The following INSR variants were observed in gnomAD, a reference collection of about 807,000 sequenced individuals.
The protein encoded by INSR is insulin receptor.
A neutral mutation model predicts 142.6 loss-of-function variants in INSR; 67 were observed. That is an observed-to-expected ratio of 0.47 (90% confidence interval 0.39 to 0.58). INSR has a LOEUF of 0.58. INSR is among the 20% of genes least tolerant of loss of function. The pLI, the probability that INSR is intolerant of heterozygous loss-of-function variation, is 0.00. For synonymous variants in INSR, 756 were observed against 743.1 expected (o/e 1.02, Z -0.28); for missense variants, 1,248 against 1,833.2 (o/e 0.68, Z 5.83).
chr19:7,129,604 C>A (rs1200820864), intron 14 of INSR, among the ~76,000 whole-genome samples: 4 of 152,194 alleles, frequency 2.6e-5, no homozygotes, highest in Non-Finnish European at 4.4e-5. Flanking sequence ...GGATGACAGG[C>A]GTGAGCCAAC....
At chr19:7,206,362 G>A (rs1414886092) in intron 2 of INSR, among the ~76,000 whole-genome samples, 3 of 152,112 alleles carry the variant, frequency 2.0e-5, no homozygotes, top group East Asian at 1.9e-4. Flanking sequence ...TTGAGCAGAC[G>A]GGGTTTGGCC....
intron 9 of INSR, among the ~76,000 whole-genome samples, chr19:7,154,848 C>T (rs991712930): frequency 2.6e-5 from 4 of 151,604 alleles, no homozygotes; most frequent in South Asian, 2.1e-4. Context: ...TGTTTGAACC[C>T]GGGAAGCAGA....
intron 4 of INSR, 123 bp downstream of exon 4, chr19:7,174,460 C>T (rs1974089109): frequency 9.1e-7 from 1 of 1,100,622 alleles, no homozygotes; most frequent in Non-Finnish European, 1.4e-6. Context: ...AGCCACTGAA[C>T]GACCATCCTA....
At chr19:7,282,540 G>T (rs1263391142) in intron 1 of INSR, among the ~76,000 whole-genome samples, 5 of 151,290 alleles carry the variant, frequency 3.3e-5, no homozygotes, top group Non-Finnish European at 5.9e-5. Context: ...AAATTAGCTG[G>T]GCGTGGTGGC....
chr19:7,218,291 C>T (rs1011570712), intron 2 of INSR, among the ~76,000 whole-genome samples: 13 of 151,964 alleles, frequency 8.6e-5, no homozygotes, highest in Non-Finnish European at 1.5e-5. Flanking sequence ...ATGCCCAGGA[C>T]AGCTGCCACC....
intron 1 of INSR, among the ~76,000 whole-genome samples, chr19:7,285,851 A>C (rs1426889769): frequency 6.6e-6 from 1 of 152,124 alleles, no homozygotes; most frequent in Admixed American, 6.6e-5. Context: ...GAATTGAGGG[A>C]GTTTGGACAA....
At chr19:7,285,277 C>T (rs1437714140) in intron 1 of INSR, among the ~76,000 whole-genome samples, 1 of 151,864 alleles carries the variant, frequency 6.6e-6, no homozygotes, top group Admixed American at 6.6e-5. Context: ...ATGGTAAAAC[C>T]CCATCTCTAC....
chr19:7,230,652 C>T (rs377418290), intron 2 of INSR, among the ~76,000 whole-genome samples: 1 of 152,052 alleles, frequency 6.6e-6, no homozygotes, highest in South Asian at 2.1e-4. Context: ...ACTAAAAATA[C>T]AAAAATTAGC....
chr19:7,130,768 CCTCTTCCT>C (rs1213461104), intron 14 of INSR, among the ~76,000 whole-genome samples: 1 of 146,130 alleles, frequency 6.8e-6, no homozygotes, highest in African/African-American at 2.7e-5. Context: ...CAGACCTCTT[CCTCTTCCT>C]CTCTCTCTTC....
chr19:7,268,456 C>A lies in INSR; in HGVS notation c.101-560G>T, dbSNP rs960085124. 4.4e-5 allele frequency: 43 copies of A among 985,202 alleles called. No individual in the cohort carries two copies. In the South Asian group the frequency reaches 5.2e-4, roughly 12 times the overall value. The allele number at this position is 985,202 out of a possible 1,614,324, so 61.0% of individuals were successfully genotyped here. A position where few individuals can be genotyped will look rare whatever the true frequency, so the allele number is the denominator to read the frequency against. On this transcript the variant is annotated intron_variant, in intron 1 of 21. Coordinates refer to ENST00000302850, the MANE Select transcript of INSR (RefSeq NM_000208.4). ...TCCCAGGGAGCCCGATCTCCATTGCCCAAATGCCCTGAGTTCTCATTCTCC... is the reference window on the plus strand; with the variant it reads ...TCCCAGGGAGCCCGATCTCCATTGCACAAATGCCCTGAGTTCTCATTCTCC...
chr19:7,148,968 T>C (rs1973252661), intron 11 of INSR, among the ~76,000 whole-genome samples: 1 of 150,822 alleles, frequency 6.6e-6, no homozygotes, highest in Non-Finnish European at 1.5e-5. Context: ...CTAATTTTTA[T>C]GTTTCTTGTA....
intron 2 of INSR, among the ~76,000 whole-genome samples, chr19:7,223,837 T>G (rs4804416): frequency 0.37 from 55,794 of 151,994 alleles, 10,844 homozygotes; most frequent in Non-Finnish European, 0.43. Flanking sequence ...TAGTGACTTA[T>G]GGATATTCCC....
In INSR at chr19:7,168,184, G is replaced by C; in HGVS notation, c.1484-90C>G. On this transcript the variant is annotated intron_variant, in intron 6 of 21. Coordinates refer to ENST00000302850, the MANE Select transcript of INSR (RefSeq NM_000208.4). The surrounding 1 kb of genome is among the most constrained non-coding windows in gnomAD (Gnocchi z 4.3). ...GACCCCCACACTTCCTGGAGGGACC[G>C]TGAGAAGGCAGAGGTGACGCTGCTA... 1 of 1,344,924 alleles carries C rather than the reference G, an allele frequency of 7.4e-7. No individual in the cohort carries two copies. The highest frequency in any genetic ancestry group is 1.1e-6 in the Non-Finnish European group (1 of 943,866). The allele number at this position is 1,344,924 out of a possible 1,614,324, so 83.3% of individuals were successfully genotyped here.
intron 2 of INSR, among the ~76,000 whole-genome samples, chr19:7,237,465 A>G (rs1258448852): frequency 7.3e-5 from 11 of 150,736 alleles, no homozygotes; most frequent in Admixed American, 4.6e-4. Context: ...TGCAGTGAGC[A>G]GAGACCATGC....
chr19:7,238,367 C>G (rs1481156948), intron 2 of INSR, among the ~76,000 whole-genome samples: 4 of 152,046 alleles, frequency 2.6e-5, no homozygotes, highest in Non-Finnish European at 5.9e-5. Context: ...CGCCTGTAAT[C>G]CCAGTACTTT....
At chr19:7,162,942 A>C in intron 9 of INSR, 90 bp downstream of exon 9, 92 of 1,249,420 alleles carry the variant, frequency 7.4e-5, no homozygotes, top group Non-Finnish European at 9.4e-5. Flanking sequence ...AGACACAGGA[A>C]GAGATAGCTG....
chr19:7,126,510 C>T (rs1972648764), intron 16 of INSR, 74 bp downstream of exon 16: 4 of 1,333,240 alleles, frequency 3.0e-6, no homozygotes, highest in Non-Finnish European at 4.2e-6. Flanking sequence ...ATCCTTCACT[C>T]TCACTCAATG....
intron 8 of INSR, among the ~76,000 whole-genome samples, chr19:7,165,167 T>C (rs1314066272): frequency 6.6e-6 from 1 of 151,850 alleles, no homozygotes; most frequent in East Asian, 1.9e-4. Context: ...CCAAGTGTGC[T>C]GTAATCCCAG....
At position 7,174,291 on chromosome 19, in the gene INSR, CTAAAAATAAAAA is replaced by C. The variant is rs56082163; in HGVS notation, c.1123+280_1123+291del. ...TGGGCAATGGAGCAAGACCCCATCTCTAAAAATAAAAATAAAAATAAAAATAAATGTAAATGC... is the reference window on the plus strand; with the variant it reads ...TGGGCAATGGAGCAAGACCCCATCTCTAAAAATAAAAATAAATGTAAATGC... On this transcript the variant is annotated intron_variant, in intron 4 of 21. Transcript: ENST00000302850. 6.0e-5 allele frequency among the ~76,000 whole-genome samples: 9 copies of C among 149,964 alleles called. No individual in the cohort carries two copies. In the East Asian group the frequency reaches 1.4e-3, roughly 23 times the overall value.
Sources: gnomAD v4.1 joint callset for allele counts (sites outside exome capture counted in the v4.1 genomes callset) on GRCh38, gnomAD v4.1.1 for gene constraint, Gnocchi (gnomAD v3.1) non-coding constraint, MANE v1.5 for transcripts, NCBI Gene and HGNC (gene_info 2026-07-23, HGNC 2026-07-21) for gene names.